Variants in CCDC149 observed in about 807,000 individuals in gnomAD.
CCDC149 encodes the protein coiled-coil domain-containing protein 149.
A neutral mutation model predicts 59.9 loss-of-function variants in CCDC149; 45 were observed. The observed-to-expected ratio is 0.75, with a 90% CI of 0.59 to 0.96. The LOEUF is 0.96. Among genes scored for constraint, CCDC149 ranks in the 40% least tolerant of loss-of-function variants. The pLI is 0.00. For synonymous variants in CCDC149, 245 were observed against 260.6 expected (o/e 0.94, Z 0.58); for missense variants, 584 against 664.7 (o/e 0.88, Z 1.33).
At chr4:24,914,939 G>T (rs188765759), upstream of CCDC149, among the ~76,000 whole-genome samples, 1 of 152,334 alleles carries the variant, frequency 6.6e-6, no homozygotes, top group Admixed American at 6.5e-5. Context: ...TCTGCCTGTT[G>T]TATACAACTG....
intron 1 of CCDC149, among the ~76,000 whole-genome samples, chr4:24,879,289 G>T (rs887962633): frequency 5.3e-5 from 8 of 152,006 alleles, no homozygotes; most frequent in Non-Finnish European, 1.2e-4. Flanking sequence ...GCCGAGGTGG[G>T]CAGAACACCT....
upstream of CCDC149, among the ~76,000 whole-genome samples, chr4:24,916,824 G>GTGTA (rs773321362): frequency 6.1e-5 from 9 of 148,406 alleles, no homozygotes; most frequent in African/African-American, 2.0e-4. Context: ...GTGTGTGTGT[G>GTGTA]TACATATATT....
chr4:24,931,829 G>GTATATATATATATATATATATATA (rs57205804), intron 1 of CCDC149, among the ~76,000 whole-genome samples: 2,196 of 76,352 alleles, frequency 0.029, 235 homozygotes, highest in African/African-American at 0.054. Flanking sequence ...TGGAGAGTAT[G>GTATATATATATATATATATATATA]TATATATATA....
chr4:24,926,250 T>C (rs1722431595), intron 1 of CCDC149, among the ~76,000 whole-genome samples: 1 of 152,236 alleles, frequency 6.6e-6, no homozygotes, highest in Non-Finnish European at 1.5e-5. Context: ...TCCTCCCATT[T>C]TGTTATAGGG....
At chr4:24,930,742 C>G (rs1341422290) in intron 1 of CCDC149, among the ~76,000 whole-genome samples, 1 of 152,066 alleles carries the variant, frequency 6.6e-6, no homozygotes, top group Non-Finnish European at 1.5e-5. Context: ...GTTTCAACAG[C>G]AAACAAGAGG....
intron 1 of CCDC149, among the ~76,000 whole-genome samples, chr4:24,966,095 T>G (rs1723788631): frequency 6.6e-6 from 1 of 152,122 alleles, no homozygotes; most frequent in South Asian, 2.1e-4. Context: ...CGGACCTCAG[T>G]TGGAACCTAA....
intron 1 of CCDC149, among the ~76,000 whole-genome samples, chr4:24,886,282 T>C (rs1201794508): frequency 1.3e-5 from 2 of 152,134 alleles, no homozygotes; most frequent in South Asian, 2.1e-4. Context: ...GCAATGGAGA[T>C]AGGAACCAGG....
At chr4:24,833,784 T>C (rs1469034616) in intron 8 of CCDC149, among the ~76,000 whole-genome samples, 1 of 152,240 alleles carries the variant, frequency 6.6e-6, no homozygotes, top group Non-Finnish European at 1.5e-5. Flanking sequence ...ATGTCTGTAA[T>C]TGTTTTTTGT....
chr4:24,808,584 G>A lies in CCDC149; in HGVS notation c.1428C>T (p.Val476=). The A allele has an allele frequency of 1.3e-6, 2 of 1,552,034 alleles. No homozygotes were observed. The highest frequency in any genetic ancestry group is 1.7e-6 in the Non-Finnish European group (2 of 1,147,076). Residue 476 remains valine, a synonymous_variant, in exon 13 of 13, where the codon GTC becomes GTT. Coordinates refer to ENST00000635206, the MANE Select transcript of CCDC149 (RefSeq NM_001330643.2). ...GACCTTCTATGGGACTCTCTCTTCT[G>A]ACCTCTTCCAGTTCTGCAGCTGCCT...
At chr4:24,878,144 T>G (rs1200883686) in intron 1 of CCDC149, among the ~76,000 whole-genome samples, 1 of 151,504 alleles carries the variant, frequency 6.6e-6, no homozygotes, top group East Asian at 1.9e-4. Flanking sequence ...GGAACTGACT[T>G]TGTTAAGTTC....
rs139316849 is a variant in CCDC149, at chr4:24,811,046, C to T, written c.1193-2227G>A. On this transcript the variant is annotated intron_variant, in intron 12 of 12. Transcript: ENST00000635206. The stretch of plus-strand genomic sequence containing the variant: ...GTATACAGATTTACTTGCCAAGTTG[C>T]GAGATTCTTTCTGATAATATGCACT... Among the ~76,000 whole-genome samples the T allele has an allele frequency of 1.3e-3, 202 of 152,240 alleles. 5 individuals are homozygous for T. The East Asian group carries it at 0.027, about 20-fold the overall frequency.
intron 4 of CCDC149, among the ~76,000 whole-genome samples, chr4:24,849,178 A>C (rs1717501969): frequency 1.3e-5 from 2 of 151,702 alleles, no homozygotes; most frequent in South Asian, 4.2e-4. Context: ...GGGAGCTGCC[A>C]CTGTCTCTGT....
intron 1 of CCDC149, among the ~76,000 whole-genome samples, chr4:24,946,746 A>T (rs1723120201): frequency 6.6e-6 from 1 of 152,188 alleles, no homozygotes; most frequent in Non-Finnish European, 1.5e-5. Flanking sequence ...CTGCCATCCT[A>T]GTGGGCAAGT....
intron 1 of CCDC149, 52 bp downstream of exon 1, chr4:24,912,765 C>T (rs1721963924): frequency 8.5e-7 from 1 of 1,179,254 alleles, no homozygotes; most frequent in Non-Finnish European, 1.0e-6. Flanking sequence ...GGGCCCGGGG[C>T]TGGCGGCCGC....
chr4:24,929,879 T>G (rs1722536351), intron 1 of CCDC149, among the ~76,000 whole-genome samples: 1 of 152,206 alleles, frequency 6.6e-6, no homozygotes, highest in East Asian at 1.9e-4. Context: ...TCTCTCTGAC[T>G]CTCTGCCTCT....
At chr4:24,832,992 T>C (rs1304939672) in intron 8 of CCDC149, among the ~76,000 whole-genome samples, 2 of 152,190 alleles carry the variant, frequency 1.3e-5, no homozygotes, top group Admixed American at 6.5e-5. Flanking sequence ...CTGCAACTTC[T>C]GCTGCTTCTC....
chr4:24,849,104 C>T (rs1717498748), intron 4 of CCDC149, among the ~76,000 whole-genome samples: 4 of 152,060 alleles, frequency 2.6e-5, no homozygotes, highest in African/African-American at 9.7e-5. Flanking sequence ...ATCCCCTTTC[C>T]CTGAATCCAC....
chr4:24,811,192 GTATTCC>G (rs1714574807), intron 12 of CCDC149, among the ~76,000 whole-genome samples: 1 of 152,148 alleles, frequency 6.6e-6, no homozygotes, highest in Admixed American at 6.5e-5. Context: ...AACATGTGCT[GTATTCC>G]TATTTTATAA....
chr4:24,875,724 T>C (rs1025968068), intron 2 of CCDC149, among the ~76,000 whole-genome samples: 1 of 152,180 alleles, frequency 6.6e-6, no homozygotes, highest in African/African-American at 2.4e-5. Flanking sequence ...AAATGTGACA[T>C]TGAGACTGAG....
Sources: gnomAD v4.1 joint callset for allele counts (sites outside exome capture counted in the v4.1 genomes callset) on GRCh38, gnomAD v4.1.1 for gene constraint, MANE v1.5 for transcripts, NCBI Gene and HGNC (gene_info 2026-07-23, HGNC 2026-07-21) for gene names.